Variants in RIT2 observed in about 807,000 individuals in gnomAD.
RIT2 encodes GTP-binding protein Rit2.
Under a neutral mutation model 23.7 loss-of-function variants are expected in RIT2, and 24 were observed. That is an observed-to-expected ratio of 1.01 (90% CI 0.73 to 1.43). RIT2 has a LOEUF of 1.43. RIT2 is among the 40% of genes most tolerant of loss of function. The pLI, the probability that RIT2 is intolerant of heterozygous loss-of-function variation, is 0.00. For missense variants in RIT2, 236 were observed against 266.9 expected, an observed-to-expected ratio of 0.88 and a Z score of 0.81; for synonymous variants, 107 against 91.1, an observed-to-expected ratio of 1.17 and a Z score of -0.99.
intron 2 of RIT2, among the ~76,000 whole-genome samples, chr18:42,983,441 G>C (rs913859858): frequency 6.6e-6 from 1 of 151,670 alleles, no homozygotes; most frequent in Non-Finnish European, 1.5e-5. Context: ...CAAAATCAAA[G>C]TCTTAGAATT....
At chr18:43,014,115 G>T (rs562159645) in intron 2 of RIT2, among the ~76,000 whole-genome samples, 1 of 151,878 alleles carries the variant, frequency 6.6e-6, no homozygotes, top group East Asian at 2.0e-4. Flanking sequence ...GAGTATCAGG[G>T]AACTTATCCT....
chr18:43,052,598 G>C (rs1334193082), intron 1 of RIT2, among the ~76,000 whole-genome samples: 1 of 151,986 alleles, frequency 6.6e-6, no homozygotes, highest in Non-Finnish European at 1.5e-5. Context: ...AAGTCCAGGG[G>C]CTGGTGATTT....
At chr18:42,908,692 T>G (rs1908687434) in intron 4 of RIT2, among the ~76,000 whole-genome samples, 2 of 152,122 alleles carry the variant, frequency 1.3e-5, no homozygotes, top group Admixed American at 6.6e-5. Flanking sequence ...AAATCATCCT[T>G]CATACTGAAA....
At chr18:43,037,371 T>A (rs1488028650) in intron 1 of RIT2, among the ~76,000 whole-genome samples, 1 of 152,198 alleles carries the variant, frequency 6.6e-6, no homozygotes, top group African/African-American at 2.4e-5. Context: ...ATCATTTTGG[T>A]CTGATCAAAG....
At chr18:43,089,134 G>A (rs1448318498) in intron 1 of RIT2, among the ~76,000 whole-genome samples, 2 of 151,850 alleles carry the variant, frequency 1.3e-5, no homozygotes, top group African/African-American at 4.8e-5. Flanking sequence ...AGAAATAAAG[G>A]GCATCCAAAT....
chr18:42,943,428 C>T (rs1428617656), intron 3 of RIT2, among the ~76,000 whole-genome samples: 6 of 152,010 alleles, frequency 3.9e-5, no homozygotes, highest in Admixed American at 2.0e-4. Flanking sequence ...CAGGAAGTCC[C>T]GCTGACTTCA....
At chr18:43,014,502 A>C (rs905015398) in intron 2 of RIT2, among the ~76,000 whole-genome samples, 1 of 151,870 alleles carries the variant, frequency 6.6e-6, no homozygotes, top group South Asian at 2.1e-4. Flanking sequence ...GCATGTGAAC[A>C]TATGATCATA....
intron 4 of RIT2, among the ~76,000 whole-genome samples, chr18:42,807,791 ATGTGTGTGTGTG>A (rs10551770): frequency 1.4e-4 from 20 of 147,592 alleles, no homozygotes; most frequent in South Asian, 4.4e-4. Context: ...CACAAAGTGA[ATGTGTGTGTGTG>A]TGTGTGTGTG....
chr18:42,782,351 G>A (rs1913829909), intron 4 of RIT2, among the ~76,000 whole-genome samples: 1 of 152,020 alleles, frequency 6.6e-6, no homozygotes, highest in Non-Finnish European at 1.5e-5. Context: ...TTTCTAAATT[G>A]TTACACCATA....
At chr18:43,048,094 T>C (rs576044263) in intron 1 of RIT2, among the ~76,000 whole-genome samples, 2 of 152,312 alleles carry the variant, frequency 1.3e-5, no homozygotes, top group South Asian at 2.1e-4. Context: ...ACAATGTGTG[T>C]TATGCTGGGA....
At chr18:43,094,117 T>A (rs1376252641) in intron 1 of RIT2, among the ~76,000 whole-genome samples, 1 of 81,496 alleles carries the variant, frequency 1.2e-5, no homozygotes, top group Non-Finnish European at 2.8e-5. Flanking sequence ...TTAGTGGGTT[T>A]TTTTTGTTTT....
At chr18:42,795,550 G>T (rs28884260) in intron 4 of RIT2, among the ~76,000 whole-genome samples, 1 of 152,182 alleles carries the variant, frequency 6.6e-6, no homozygotes. Context: ...TGAGCCTCCC[G>T]GATGAGCGCA....
chr18:43,068,362 AT>A (rs1912818916), intron 1 of RIT2, among the ~76,000 whole-genome samples: 1 of 152,216 alleles, frequency 6.6e-6, no homozygotes, highest in Non-Finnish European at 1.5e-5. Flanking sequence ...TTTACTCATA[AT>A]AACTGGGCTA....
chr18:43,095,041 T>C (rs578110538), intron 1 of RIT2, among the ~76,000 whole-genome samples: 5 of 152,222 alleles, frequency 3.3e-5, no homozygotes, highest in African/African-American at 9.6e-5. Flanking sequence ...TGTGTCTTTA[T>C]AGTAGCATGA....
At position 42,998,362 on chromosome 18, in the gene RIT2, A is replaced by G. The variant is rs1256746371; in HGVS notation, c.161-24215T>C. On this transcript the variant is annotated intron_variant, in intron 2 of 4. Coordinates refer to ENST00000326695, the MANE Select transcript of RIT2 (RefSeq NM_002930.4). ...ACTTTGCTCATAAGTAGAGATGCCTATAAATTCTTGCTTACTCCCATTTTA... is the reference window on the plus strand; with the variant it reads ...ACTTTGCTCATAAGTAGAGATGCCTGTAAATTCTTGCTTACTCCCATTTTA... Among the ~76,000 whole-genome samples the G allele has an allele frequency of 2.0e-5, 3 of 152,128 alleles. No individual in the cohort carries two copies. In the South Asian group the frequency reaches 6.2e-4, roughly 31 times the overall value.
intron 4 of RIT2, 114 bp downstream of exon 4, chr18:42,923,456 CAT>C (rs1352173969): frequency 4.7e-6 from 4 of 858,450 alleles, no homozygotes; most frequent in Non-Finnish European, 7.5e-6. Flanking sequence ...TTAGAAAAAT[CAT>C]GTGCATAATT....
intron 4 of RIT2, among the ~76,000 whole-genome samples, chr18:42,757,069 C>T (rs1913182149): frequency 6.6e-6 from 1 of 152,110 alleles, no homozygotes; most frequent in South Asian, 2.1e-4. Context: ...CAATAAACAC[C>T]TTTCCTATCT....
intron 3 of RIT2, among the ~76,000 whole-genome samples, chr18:42,925,193 T>A (rs1209454871): frequency 1.3e-5 from 2 of 152,018 alleles, no homozygotes; most frequent in Non-Finnish European, 2.9e-5. Flanking sequence ...AATGTACTAA[T>A]ATGGGAGAAA....
At chr18:42,800,439 A>T (rs2143961130) in intron 4 of RIT2, among the ~76,000 whole-genome samples, 1 of 152,028 alleles carries the variant, frequency 6.6e-6, no homozygotes, top group Admixed American at 6.5e-5. Context: ...AACTTGCTCA[A>T]TTCACATATG....
Sources: gnomAD v4.1 joint callset for allele counts (sites outside exome capture counted in the v4.1 genomes callset) on GRCh38, gnomAD v4.1.1 for gene constraint, MANE v1.5 for transcripts, NCBI Gene and HGNC (gene_info 2026-07-23, HGNC 2026-07-21) for gene names.